ATXN8OS: variants seen among roughly 807,000 people sequenced by gnomAD.
ATXN8OS encodes the protein ATXN8 opposite strand (non-protein coding).
chr13:70,122,959 T>A (rs907825660), intron 2 of ATXN8OS, among the ~76,000 whole-genome samples: 3 of 152,044 alleles, frequency 2.0e-5, no homozygotes, highest in Non-Finnish European at 4.4e-5. Context: ...AGAGACTTTG[T>A]TTTCTAATTT....
chr13:70,144,402 T>G (rs896655284), intron 3 of ATXN8OS, among the ~76,000 whole-genome samples: 3 of 152,090 alleles, frequency 2.0e-5, no homozygotes, highest in African/African-American at 7.2e-5. Flanking sequence ...AGTAACCTAG[T>G]TGAGTAATTA....
rs546147449 is a variant in ATXN8OS at position 70,142,080 on chromosome 13, C to A, written n.500-5275C>A. 2.6e-5 allele frequency among the ~76,000 whole-genome samples: 4 copies of A among 152,212 alleles called. No homozygotes were observed. The East Asian group carries it at 7.7e-4, about 29-fold the overall frequency. ...TGTATTTTTACAAGAGACAGGGTTT[C>A]TCCATGTTGACCAGGCTGGTCTCAA... On this transcript the variant is annotated intron_variant and non_coding_transcript_variant, in intron 3 of 4. Transcript: ENST00000678624.
chr13:70,171,418 G>A (rs1019860939), exon 5 of ATXN8OS, among the ~76,000 whole-genome samples: 6 of 152,140 alleles, frequency 3.9e-5, no homozygotes, highest in African/African-American at 1.2e-4. Context: ...CTCTGGGTGA[G>A]TCACTGAGTG....
intron 4 of ATXN8OS, among the ~76,000 whole-genome samples, chr13:70,158,947 G>A (rs998701160): frequency 2.6e-5 from 4 of 152,072 alleles, no homozygotes; most frequent in African/African-American, 7.2e-5. Flanking sequence ...ATGAAAGGGA[G>A]AAATTAGTTC....
chr13:70,164,015 AT>A (rs1367247727), intron 4 of ATXN8OS, among the ~76,000 whole-genome samples: 1 of 143,284 alleles, frequency 7.0e-6, no homozygotes, highest in South Asian at 2.2e-4. Flanking sequence ...ATCAGTTTTT[AT>A]TTTTTTTCTC....
At chr13:70,109,370 A>G (rs1888160248) in intron 1 of ATXN8OS, among the ~76,000 whole-genome samples, 2 of 152,222 alleles carry the variant, frequency 1.3e-5, no homozygotes, top group Non-Finnish European at 2.9e-5. Context: ...AACTTAACCA[A>G]GAATATGGTT....
intron 4 of ATXN8OS, among the ~76,000 whole-genome samples, chr13:70,149,915 A>C (rs1888840921): frequency 6.6e-6 from 1 of 152,140 alleles, no homozygotes; most frequent in South Asian, 2.1e-4. Context: ...AAGAAATTAA[A>C]GAGGAAACAA....
intron 1 of ATXN8OS, among the ~76,000 whole-genome samples, chr13:70,109,157 C>G (rs561441702): frequency 6.6e-6 from 1 of 152,140 alleles, no homozygotes; most frequent in Non-Finnish European, 1.5e-5. Context: ...TGAGAATAGC[C>G]GAAGGCTACT....
chr13:70,155,010 C>A (rs1006998620), intron 4 of ATXN8OS, among the ~76,000 whole-genome samples: 1 of 152,170 alleles, frequency 6.6e-6, no homozygotes, highest in Non-Finnish European at 1.5e-5. Context: ...GCTAGCCAAC[C>A]CCCTTTTGTG....
chr13:70,147,431 G>C (rs1888800708), intron 4 of ATXN8OS, among the ~76,000 whole-genome samples: 1 of 152,084 alleles, frequency 6.6e-6, no homozygotes, highest in Non-Finnish European at 1.5e-5. Context: ...TGGCTTAGGT[G>C]AGTCTGTCAT....
At chr13:70,110,662 T>C (rs1340911281) in intron 1 of ATXN8OS, among the ~76,000 whole-genome samples, 1 of 151,996 alleles carries the variant, frequency 6.6e-6, no homozygotes, top group Non-Finnish European at 1.5e-5. Flanking sequence ...ACCTGGCATA[T>C]TAGATAAAAT....
At chr13:70,162,562 G>A (rs1889022409) in intron 4 of ATXN8OS, among the ~76,000 whole-genome samples, 1 of 152,036 alleles carries the variant, frequency 6.6e-6, no homozygotes, top group Non-Finnish European at 1.5e-5. Flanking sequence ...AAGAGAGAGA[G>A]TAGATCTGCT....
chr13:70,138,090 T>C (rs934764720), intron 3 of ATXN8OS, among the ~76,000 whole-genome samples: 2 of 152,278 alleles, frequency 1.3e-5, no homozygotes, highest in African/African-American at 4.8e-5. Context: ...TTCCACCAAA[T>C]CCCTCCTCCA....
At chr13:70,132,856 C>T (rs1054851821) in intron 3 of ATXN8OS, among the ~76,000 whole-genome samples, 16 of 113,736 alleles carry the variant, frequency 1.4e-4, no homozygotes, top group Non-Finnish European at 2.5e-4. Flanking sequence ...CAACTAAAGT[C>T]TATTTTTTTT....
intron 4 of ATXN8OS, among the ~76,000 whole-genome samples, chr13:70,151,475 T>C (rs754497754): frequency 3.3e-5 from 5 of 151,938 alleles, no homozygotes; most frequent in Admixed American, 6.6e-5. Flanking sequence ...TATATTCCTT[T>C]GGAGAGAAAA....
intron 2 of ATXN8OS, among the ~76,000 whole-genome samples, chr13:70,127,192 T>C (rs1458749154): frequency 6.6e-6 from 1 of 152,018 alleles, no homozygotes; most frequent in African/African-American, 2.4e-5. Context: ...CTTAATTCTT[T>C]CTATTATTTG....
At chr13:70,115,060 G>A (rs1361044433) in intron 1 of ATXN8OS, 2 of 395,218 alleles carry the variant, frequency 5.1e-6, no homozygotes, top group Non-Finnish European at 8.9e-6. Flanking sequence ...ATGTGTGGGT[G>A]TGTTAGTCCC....
At chr13:70,113,405 TAG>T (rs911277794) in intron 1 of ATXN8OS, among the ~76,000 whole-genome samples, 2 of 152,130 alleles carry the variant, frequency 1.3e-5, no homozygotes, top group Non-Finnish European at 2.9e-5. Flanking sequence ...TGTATAACAC[TAG>T]AGTCTTTAAA....
intron 4 of ATXN8OS, among the ~76,000 whole-genome samples, chr13:70,152,726 T>C (rs547069888): frequency 1.3e-5 from 2 of 152,278 alleles, no homozygotes; most frequent in East Asian, 3.9e-4. Context: ...CTGTTTCAAA[T>C]ATTCTGGGTT....
Sources: allele counts gnomAD v4.1 joint callset (sites outside exome capture counted in the v4.1 genomes callset), GRCh38; gene constraint gnomAD v4.1.1; transcripts MANE v1.5; gene names NCBI Gene and HGNC (gene_info 2026-07-23, HGNC 2026-07-21).